Variants in OPA1 observed in about 807,000 individuals in gnomAD.
The protein encoded by OPA1 is dynamin-like GTPase OPA1, mitochondrial.
OPA1 carries 59 observed loss-of-function variants against 152.9 expected under a neutral mutation model. The observed-to-expected ratio is 0.39, with a 90% confidence interval of 0.31 to 0.48. The LOEUF is 0.48. Among genes scored for constraint, OPA1 ranks in the 20% least tolerant of loss-of-function variants. OPA1 has a pLI of 0.96. For missense variants in OPA1, 1,008 were observed against 1,216.8 expected, an observed-to-expected ratio of 0.83 and a Z score of 2.55; for synonymous variants, 400 against 389.9, an observed-to-expected ratio of 1.03 and a Z score of -0.31.
At chr3:193,639,048 AGTTACTGAG>A (rs1733363472) in intron 11 of OPA1, among the ~76,000 whole-genome samples, 2 of 152,214 alleles carry the variant, frequency 1.3e-5, no homozygotes, top group Admixed American at 1.3e-4. Flanking sequence ...GCAAGAGCAA[AGTTACTGAG>A]GTGAAGGAGA....
intron 1 of OPA1, among the ~76,000 whole-genome samples, chr3:193,612,739 C>T (rs1333451634): frequency 6.6e-6 from 1 of 152,182 alleles, no homozygotes; most frequent in Admixed American, 6.5e-5. Context: ...GAGTCCCAGA[C>T]TCCTTGGATT....
At chr3:193,610,791 T>G (rs1356971647) in intron 1 of OPA1, among the ~76,000 whole-genome samples, 1 of 152,216 alleles carries the variant, frequency 6.6e-6, no homozygotes. Flanking sequence ...CAGACTGCTG[T>G]GCTAGCAATG....
chr3:193,647,763 A>T (rs994958437), intron 19 of OPA1, among the ~76,000 whole-genome samples: 1 of 152,190 alleles, frequency 6.6e-6, no homozygotes, highest in Non-Finnish European at 1.5e-5. Context: ...CAACATGGGT[A>T]ATAGGCCCAG....
intron 30 of OPA1, among the ~76,000 whole-genome samples, chr3:193,692,394 A>G (rs1016679787): frequency 6.6e-6 from 1 of 152,232 alleles, no homozygotes; most frequent in Admixed American, 6.5e-5. Context: ...AAGATATTGT[A>G]TAATATGCAG....
intron 30 of OPA1, among the ~76,000 whole-genome samples, chr3:193,693,795 G>T (rs187027352): frequency 2.4e-4 from 36 of 151,564 alleles, no homozygotes; most frequent in Admixed American, 3.9e-4. Flanking sequence ...AAACCATTAA[G>T]TGTTACAATA....
intron 29 of OPA1, among the ~76,000 whole-genome samples, chr3:193,676,824 CA>C (rs1210711788): frequency 3.3e-5 from 5 of 151,982 alleles, no homozygotes; most frequent in African/African-American, 7.2e-5. Flanking sequence ...ACTAAAAATA[CA>C]AAAAATTTAG....
chr3:193,677,317 AAG>A (rs1313584591), intron 29 of OPA1, among the ~76,000 whole-genome samples: 1 of 142,012 alleles, frequency 7.0e-6, no homozygotes, highest in Non-Finnish European at 1.5e-5. Context: ...TTTCTTTAGA[AAG>A]AGTGTCACTT....
At chr3:193,680,723 A>G (rs539630316) in intron 29 of OPA1, among the ~76,000 whole-genome samples, 2 of 152,252 alleles carry the variant, frequency 1.3e-5, no homozygotes, top group South Asian at 4.1e-4. Context: ...TTAATTGACT[A>G]AGAATATTTT....
In OPA1 at chr3:193,609,556, C is replaced by CT. The variant is rs765217189; in HGVS notation, c.33-5166dup. On this transcript the variant is annotated intron_variant, in intron 1 of 30. Transcript: ENST00000361510. ...TCGAGGAGTATCTTTGTGGCATTCT[C>CT]TGTGTTTCCTGAATTTGAATGTTGG... is the stretch of plus-strand genomic sequence containing the variant. 1.3e-4 allele frequency among the ~76,000 whole-genome samples: 20 copies of CT among 152,144 alleles called. 1 individual carries two copies. The highest frequency in any genetic ancestry group is 1.1e-3 in the Admixed American group (17 of 15,280).
At chr3:193,619,292 T>C (rs1259657885) in intron 6 of OPA1, among the ~76,000 whole-genome samples, 5 of 152,150 alleles carry the variant, frequency 3.3e-5, no homozygotes, top group Non-Finnish European at 5.9e-5. Flanking sequence ...TCATGCGCAT[T>C]GTGAATTTCC....
chr3:193,669,312 T>G (rs1328509511), intron 29 of OPA1, among the ~76,000 whole-genome samples: 4 of 152,206 alleles, frequency 2.6e-5, no homozygotes, highest in Non-Finnish European at 5.9e-5. Flanking sequence ...CTTTAAATAT[T>G]CTTCTTTCGA....
intron 29 of OPA1, among the ~76,000 whole-genome samples, chr3:193,680,680 AG>A (rs1332141775): frequency 2.0e-5 from 3 of 152,254 alleles, no homozygotes; most frequent in Admixed American, 6.5e-5. Context: ...TAGGAATAAG[AG>A]AAAAAGAAGA....
intron 29 of OPA1, among the ~76,000 whole-genome samples, chr3:193,680,697 T>C (rs1719993003): frequency 6.6e-6 from 1 of 152,246 alleles, no homozygotes. Flanking sequence ...GAAGAAAAGA[T>C]GAATTTTTAA....
rs538417991 is a variant in OPA1 at position 193,648,739 on chromosome 3, C to G, written c.1936-56C>G. ...CTTTGGTTATCTCTGAAAATCATGA[C>G]AGGGTAAATTTACTGTCTTATGGAA... On this transcript the variant is annotated intron_variant, in intron 20 of 30. Transcript: ENST00000361510. 3.3e-6 allele frequency: 4 copies of G among 1,209,492 alleles called. No individual in the cohort carries two copies. In the African/African-American group the frequency reaches 6.0e-5, roughly 18 times the overall value. 74.9% of individuals were successfully genotyped at this position (1,209,492 alleles called of 1,614,324 possible). A position where few individuals can be genotyped will look rare whatever the true frequency, so the allele number is the denominator to read the frequency against.
Position 193,643,054 on chromosome 3 carries a change from G to A in OPA1, c.1305+5G>A. The A allele has an allele frequency of 6.2e-7, 1 of 1,605,156 alleles. No homozygotes were observed. Among genetic ancestry groups the A allele is most frequent in the Non-Finnish European group, 8.5e-7 (1 of 1,172,050 alleles). On this transcript the variant is annotated splice_donor_5th_base_variant and intron_variant, in intron 13 of 30. Coordinates refer to ENST00000361510, the MANE Select transcript of OPA1 (RefSeq NM_130837.3). The stretch of plus-strand genomic sequence containing the variant: ...GGCTGTACCGTTAGCCCTGAGGTAA[G>A]GGTTGCAATTCATTTCAGTGACGTT...
rs1553878150 is a variant in OPA1, at chr3:193,644,074, T to C, written c.1577T>C (p.Leu526Pro). 6.2e-7 allele frequency: 1 copy of C among 1,613,860 alleles called. No homozygotes were observed. Among genetic ancestry groups the C allele is most frequent in the Non-Finnish European group, 8.5e-7 (1 of 1,179,812 alleles). Residue 526 changes from leucine (L) to proline (P), a missense_variant, in exon 16 of 31, where the codon CTG becomes CCG. Transcript: ENST00000361510. Reference protein sequence around the residue: ...RTIFVLTKVDLAEKNVASPSR... With the variant: ...RTIFVLTKVDPAEKNVASPSR... ...ATATTCGTTTTGACCAAAGTAGACC[T>C]GGCAGAGAAAAATGTAGCCAGTCCA...
At chr3:193,634,471 G>A (rs893061761) in intron 8 of OPA1, among the ~76,000 whole-genome samples, 6 of 151,946 alleles carry the variant, frequency 3.9e-5, no homozygotes, top group African/African-American at 1.4e-4. Flanking sequence ...AGGCTGGAGT[G>A]CAGTGGTGCA....
chr3:193,624,325 C>G (rs1270043124), intron 6 of OPA1: 1 of 152,120 alleles, frequency 6.6e-6, no homozygotes, highest in Non-Finnish European at 1.5e-5. Flanking sequence ...AATATTTTCT[C>G]ACGGCTTTGG....
rs764281794 is a variant in OPA1, at chr3:193,605,611, T to C, written c.33-9112T>C. On this transcript the variant is annotated intron_variant, in intron 1 of 30. Transcript: ENST00000361510. ...ATTACAGGCTTGAGTTTCGATCTTA[T>C]CAATTTCTGCCTGTAGACAGCATAA... Among the ~76,000 whole-genome samples the C allele has an allele frequency of 8.5e-5, 13 of 152,336 alleles. No homozygotes were observed. The East Asian group carries it at 1.3e-3, about 16-fold the overall frequency.
Sources: gnomAD v4.1 joint callset for allele counts (sites outside exome capture counted in the v4.1 genomes callset) on GRCh38, gnomAD v4.1.1 for gene constraint, MANE v1.5 for transcripts, NCBI Gene and HGNC (gene_info 2026-07-23, HGNC 2026-07-21) for gene names.